Variants in SRPK2 observed in about 807,000 individuals in gnomAD.
The protein encoded by SRPK2 is SRSF protein kinase 2.
Under a neutral mutation model 90.8 loss-of-function variants are expected in SRPK2, and 21 were observed. That is an observed-to-expected ratio of 0.23 (90% CI 0.16 to 0.33). The LOEUF is 0.33. SRPK2 is among the 10% of genes least tolerant of loss of function. The pLI is 1.00. For synonymous variants in SRPK2, 288 were observed against 311.1 expected, an observed-to-expected ratio of 0.93 and a Z score of 0.78; for missense variants, 620 against 869.0, an observed-to-expected ratio of 0.71 and a Z score of 3.60.
intron 2 of SRPK2, among the ~76,000 whole-genome samples, chr7:105,319,712 T>G (rs1253734057): frequency 2.0e-5 from 3 of 152,170 alleles, no homozygotes. Context: ...TAAATACAGC[T>G]GAGTCCTGGC....
At chr7:105,353,503 T>TTGTTG (rs1817444571) in intron 2 of SRPK2, among the ~76,000 whole-genome samples, 1 of 146,092 alleles carries the variant, frequency 6.8e-6, no homozygotes, top group Non-Finnish European at 1.5e-5. Flanking sequence ...TCCAGCCCAG[T>TTGTTG]TTGTTGTTGT....
At chr7:105,136,006 C>G (rs1802749932) in intron 11 of SRPK2, among the ~76,000 whole-genome samples, 2 of 152,150 alleles carry the variant, frequency 1.3e-5, no homozygotes, top group African/African-American at 2.4e-5. Context: ...ATCAAGTGAT[C>G]TGCCCACCTT....
chr7:105,122,810 C>T (rs142081075), intron 15 of SRPK2, among the ~76,000 whole-genome samples: 55 of 151,946 alleles, frequency 3.6e-4, no homozygotes, highest in East Asian at 1.9e-3. Context: ...CATACACACA[C>T]GCGCGCGCAC....
At chr7:105,136,530 G>A (rs899147851) in intron 11 of SRPK2, among the ~76,000 whole-genome samples, 2 of 152,158 alleles carry the variant, frequency 1.3e-5, no homozygotes, top group African/African-American at 2.4e-5. Flanking sequence ...CTTTCACTTC[G>A]GGAAGAACTG....
intron 2 of SRPK2, among the ~76,000 whole-genome samples, chr7:105,270,086 T>C (rs1170631560): frequency 2.6e-5 from 4 of 152,180 alleles, no homozygotes; most frequent in African/African-American, 7.2e-5. Context: ...TAAAATACAA[T>C]GGACCTGTAC....
At chr7:105,172,080 G>A (rs1200188257) in intron 3 of SRPK2, among the ~76,000 whole-genome samples, 1 of 152,114 alleles carries the variant, frequency 6.6e-6, no homozygotes, top group South Asian at 2.1e-4. Context: ...TTTTAGTAGA[G>A]ACAGGGTTTT....
At chr7:105,331,815 G>A (rs765192578) in intron 2 of SRPK2, among the ~76,000 whole-genome samples, 2 of 152,136 alleles carry the variant, frequency 1.3e-5, no homozygotes, top group African/African-American at 2.4e-5. Flanking sequence ...CAGATGGAAC[G>A]GTCATGAAAG....
intron 2 of SRPK2, among the ~76,000 whole-genome samples, chr7:105,242,339 C>T (rs1800923801): frequency 1.3e-5 from 2 of 152,044 alleles, no homozygotes; most frequent in African/African-American, 4.8e-5. Context: ...TGGTGAAACC[C>T]CATCTCTACT....
At chr7:105,265,775 C>A (rs899624830) in intron 2 of SRPK2, among the ~76,000 whole-genome samples, 1 of 152,082 alleles carries the variant, frequency 6.6e-6, no homozygotes, top group Non-Finnish European at 1.5e-5. Flanking sequence ...GTAGGATTTA[C>A]CCCTAAAATC....
chr7:105,256,444 C>T (rs1424927055), intron 2 of SRPK2, among the ~76,000 whole-genome samples: 2 of 152,206 alleles, frequency 1.3e-5, no homozygotes, highest in African/African-American at 4.8e-5. Flanking sequence ...TAACCTCAAA[C>T]TCCCAGGCTC....
chr7:105,355,264 A>G (rs1817646935), intron 2 of SRPK2, among the ~76,000 whole-genome samples: 1 of 151,894 alleles, frequency 6.6e-6, no homozygotes, highest in Admixed American at 6.6e-5. Context: ...GGGAGGCCAC[A>G]GCAGGAGGAG....
chr7:105,384,110 T>A (rs889583431), intron 2 of SRPK2, among the ~76,000 whole-genome samples: 2 of 152,198 alleles, frequency 1.3e-5, no homozygotes, highest in Admixed American at 1.3e-4. Flanking sequence ...TTATGGTATG[T>A]GAACTATATC....
intron 2 of SRPK2, among the ~76,000 whole-genome samples, chr7:105,261,476 G>A (rs1238129199): frequency 2.0e-5 from 3 of 151,656 alleles, no homozygotes; most frequent in Non-Finnish European, 1.5e-5. Flanking sequence ...AGCCGAGATC[G>A]CGCCACTGCA....
At chr7:105,284,815 T>A (rs184614785) in intron 2 of SRPK2, among the ~76,000 whole-genome samples, 1 of 152,364 alleles carries the variant, frequency 6.6e-6, no homozygotes, top group Admixed American at 6.5e-5. Context: ...TACAATATTA[T>A]GAAGTACCAC....
chr7:105,391,691 T>G (rs76162523), upstream of SRPK2, among the ~76,000 whole-genome samples: 683 of 152,064 alleles, frequency 4.5e-3, 4 homozygotes, highest in Non-Finnish European at 6.9e-3. Flanking sequence ...AAAATGTTAA[T>G]GGAAAAAAAG....
At chr7:105,190,671 T>G (rs528722755) in intron 3 of SRPK2, among the ~76,000 whole-genome samples, 1 of 152,194 alleles carries the variant, frequency 6.6e-6, no homozygotes, top group Non-Finnish European at 1.5e-5. Context: ...TGTTAGACTA[T>G]CAGGTGTGGC....
intron 3 of SRPK2, among the ~76,000 whole-genome samples, chr7:105,169,489 G>A (rs1444086276): frequency 6.6e-6 from 1 of 152,162 alleles, no homozygotes; most frequent in African/African-American, 2.4e-5. Context: ...CACTTTGGGA[G>A]GCCAAGGCAG....
intron 2 of SRPK2, among the ~76,000 whole-genome samples, chr7:105,231,203 C>T (rs1444176322): frequency 6.6e-6 from 1 of 152,196 alleles, no homozygotes; most frequent in Non-Finnish European, 1.5e-5. Context: ...TCTGCTCCTG[C>T]ATTCTTTTCC....
At chr7:105,286,106 A>G (rs941116483) in intron 2 of SRPK2, among the ~76,000 whole-genome samples, 3 of 152,248 alleles carry the variant, frequency 2.0e-5, no homozygotes, top group Non-Finnish European at 2.9e-5. Flanking sequence ...TCACAGAGCC[A>G]CTGTGGTAGA....
Sources: gnomAD v4.1 joint callset for allele counts (sites outside exome capture counted in the v4.1 genomes callset) on GRCh38, gnomAD v4.1.1 for gene constraint, MANE v1.5 for transcripts, NCBI Gene and HGNC (gene_info 2026-07-23, HGNC 2026-07-21) for gene names.